Variants in PACRG observed in about 807,000 individuals in gnomAD.
PACRG encodes the protein parkin coregulated gene protein.
In PACRG, 29 loss-of-function variants were observed where a neutral mutation model predicts 29.7. The observed-to-expected ratio is 0.98, with a 90% CI of 0.73 to 1.33. PACRG has a LOEUF of 1.33. Ranked by LOEUF, PACRG falls within the 40% of genes most tolerant of loss-of-function variation. PACRG has a pLI of 0.00. For missense variants in PACRG, 279 were observed against 316.2 expected, an observed-to-expected ratio of 0.88 and a Z score of 0.89; for synonymous variants, 116 against 118.7, an observed-to-expected ratio of 0.98 and a Z score of 0.15.
chr6:163,130,255 C>T (rs1003411956), intron 4 of PACRG, among the ~76,000 whole-genome samples: 2 of 152,174 alleles, frequency 1.3e-5, no homozygotes, highest in Non-Finnish European at 2.9e-5. Flanking sequence ...GGATGCTGAA[C>T]AATGTTAGCA....
chr6:163,193,023 C>T (rs9458736), intron 4 of PACRG, among the ~76,000 whole-genome samples: 119,025 of 152,110 alleles, frequency 0.78, 47,144 homozygotes, highest in Non-Finnish European at 0.85. Context: ...ACCCAATAAA[C>T]AGTCACTCTT....
chr6:163,129,628 C>T (rs1262440941), intron 4 of PACRG, among the ~76,000 whole-genome samples: 1 of 152,230 alleles, frequency 6.6e-6, no homozygotes, highest in African/African-American at 2.4e-5. Flanking sequence ...TAAGCAAACA[C>T]TGTCCTCCTG....
chr6:163,299,364 C>T (rs1459719113), intron 4 of PACRG, among the ~76,000 whole-genome samples: 1 of 152,204 alleles, frequency 6.6e-6, no homozygotes, highest in Admixed American at 6.5e-5. Context: ...TCTGGGGGTC[C>T]TTCCCACCAC....
chr6:163,287,496 C>T (rs1585401493), intron 4 of PACRG, among the ~76,000 whole-genome samples: 1 of 152,230 alleles, frequency 6.6e-6, no homozygotes, highest in Admixed American at 6.5e-5. Flanking sequence ...AGGCCCCTCA[C>T]AGCCCGCAGG....
chr6:162,822,196 T>C (rs540058250), intron 2 of PACRG, among the ~76,000 whole-genome samples: 64 of 152,292 alleles, frequency 4.2e-4, no homozygotes, highest in Non-Finnish European at 7.4e-4. Context: ...AATCATCTTT[T>C]AATGTGCAGG....
intron 2 of PACRG, among the ~76,000 whole-genome samples, chr6:162,989,162 C>T (rs941714576): frequency 1.3e-5 from 2 of 152,086 alleles, no homozygotes; most frequent in African/African-American, 4.8e-5. Context: ...TAGACATAAG[C>T]ATAAGAAAGA....
chr6:163,143,226 TA>T (rs1040220690), intron 4 of PACRG, among the ~76,000 whole-genome samples: 6 of 151,918 alleles, frequency 3.9e-5, no homozygotes, highest in African/African-American at 1.2e-4. Flanking sequence ...AAAAAGTTTA[TA>T]AAAAAATAAA....
intron 2 of PACRG, among the ~76,000 whole-genome samples, chr6:162,973,869 A>T (rs1330844221): frequency 6.6e-6 from 1 of 152,200 alleles, no homozygotes; most frequent in Non-Finnish European, 1.5e-5. Flanking sequence ...AAGGGGTTAA[A>T]TGAACCCTAC....
chr6:163,287,911 T>C (rs748159127), intron 4 of PACRG, among the ~76,000 whole-genome samples: 76 of 152,186 alleles, frequency 5.0e-4, no homozygotes, highest in Non-Finnish European at 8.7e-4. Flanking sequence ...TCCCACATTT[T>C]CAGAAACACC....
At chr6:163,098,346 G>A (rs1814788585) in intron 4 of PACRG, among the ~76,000 whole-genome samples, 1 of 152,084 alleles carries the variant, frequency 6.6e-6, no homozygotes, top group African/African-American at 2.4e-5. Flanking sequence ...CAGGGACTCT[G>A]GGAGTTATCT....
At chr6:162,744,971 G>A (rs1034643616) in intron 1 of PACRG, among the ~76,000 whole-genome samples, 4 of 151,790 alleles carry the variant, frequency 2.6e-5, no homozygotes, top group African/African-American at 9.7e-5. Flanking sequence ...CCTGACAATA[G>A]GTAACAATAT....
At chr6:162,865,363 A>G (rs1792209114) in intron 2 of PACRG, among the ~76,000 whole-genome samples, 1 of 152,202 alleles carries the variant, frequency 6.6e-6, no homozygotes, top group Admixed American at 6.5e-5. Flanking sequence ...TTGCTGTATT[A>G]CCTGCTGTTT....
At chr6:163,086,890 A>C (rs1382087347) in intron 3 of PACRG, among the ~76,000 whole-genome samples, 1 of 152,244 alleles carries the variant, frequency 6.6e-6, no homozygotes, top group Non-Finnish European at 1.5e-5. Flanking sequence ...ATTTTTAAAA[A>C]TAAAGTGGGG....
intron 2 of PACRG, among the ~76,000 whole-genome samples, chr6:162,998,577 G>A (rs1350385517): frequency 6.6e-6 from 1 of 152,152 alleles, no homozygotes; most frequent in Non-Finnish European, 1.5e-5. Context: ...CTAGCATGGT[G>A]TTCTTTTCTT....
intron 2 of PACRG, among the ~76,000 whole-genome samples, chr6:162,921,239 C>T (rs1445649724): frequency 1.3e-5 from 2 of 152,232 alleles, no homozygotes; most frequent in Admixed American, 6.5e-5. Context: ...AAGAGGCGGC[C>T]GGATCCTGCA....
rs1319040438 is a variant in PACRG, at chr6:162,814,208, G to T, written c.218G>T (p.Arg73Leu). The change falls in exon 2 of 5, where the codon CGA becomes CTA. Residue 73 changes from arginine (R) to leucine (L), a missense_variant. By Grantham distance (102) the Arg-to-Leu change is moderately radical. Coordinates refer to ENST00000366888, the MANE Select transcript of PACRG (RefSeq NM_001080379.2). Reference sequence around the variant, plus strand: ...AGACCAACCAAGCCCACAGCATTTCGAAAATTCTATGAGCGAGGTGACTTC... The same window carrying T: ...AGACCAACCAAGCCCACAGCATTTCTAAAATTCTATGAGCGAGGTGACTTC... The part of the protein sequence containing the change: ...KERPTKPTAF[R>L]KFYERGDFPI... 1.1e-5 allele frequency: 18 copies of T among 1,613,478 alleles called. No homozygotes were observed. The highest frequency in any genetic ancestry group is 1.4e-5 in the Non-Finnish European group (17 of 1,179,840).
At chr6:163,227,868 A>T (rs1045591488) in intron 4 of PACRG, among the ~76,000 whole-genome samples, 4 of 152,230 alleles carry the variant, frequency 2.6e-5, no homozygotes, top group Non-Finnish European at 2.9e-5. Context: ...TATGATAATA[A>T]GAAAATAAGG....
At chr6:162,868,991 G>A (rs993933492) in intron 2 of PACRG, among the ~76,000 whole-genome samples, 7 of 152,160 alleles carry the variant, frequency 4.6e-5, no homozygotes, top group African/African-American at 9.7e-5. Context: ...GTTACATCAC[G>A]CAGGTACACA....
At chr6:162,893,314 G>C (rs6905932) in intron 2 of PACRG, among the ~76,000 whole-genome samples, 1 of 152,122 alleles carries the variant, frequency 6.6e-6, no homozygotes, top group South Asian at 2.1e-4. Context: ...GCCTCGGCTC[G>C]ACTGGCAGTG....
Sources: gnomAD v4.1 joint callset for allele counts (sites outside exome capture counted in the v4.1 genomes callset) on GRCh38, gnomAD v4.1.1 for gene constraint, MANE v1.5 for transcripts, NCBI Gene and HGNC (gene_info 2026-07-23, HGNC 2026-07-21) for gene names.